Variants in FANCD2 observed in about 807,000 individuals in gnomAD.
FANCD2 encodes Fanconi anemia group D2 protein.
FANCD2 carries 131 observed loss-of-function variants against 192.3 expected under a neutral mutation model. That is an observed-to-expected ratio of 0.68 (90% CI 0.59 to 0.79). FANCD2 has a LOEUF of 0.79. Ranked by LOEUF, FANCD2 falls within the 30% of genes least tolerant of loss-of-function variation. FANCD2 has a pLI of 0.00. For synonymous variants in FANCD2, 524 were observed against 612.5 expected, an observed-to-expected ratio of 0.86 and a Z score of 2.13; for missense variants, 1,508 against 1,701.6, an observed-to-expected ratio of 0.89 and a Z score of 2.00.
At chr3:10,087,412 A>G in intron 34 of FANCD2, 148 bp downstream of exon 34, 1 of 753,950 alleles carries the variant, frequency 1.3e-6, no homozygotes, top group South Asian at 1.8e-5. Context: ...CAAGAAGGTC[A>G]TTTTCCCAGA....
intron 6 of FANCD2, among the ~76,000 whole-genome samples, 182 bp from the exon 7 acceptor site, chr3:10,036,105 T>TTTTTTTTTTTTTTTTTTG (rs2086724568): frequency 6.8e-6 from 1 of 146,788 alleles, no homozygotes. Flanking sequence ...TTTTTTTTTT[T>TTTTTTTTTTTTTTTTTTG]GAGTCAGAGT....
At chr3:10,031,912 T>A (rs998757932) in intron 2 of FANCD2, among the ~76,000 whole-genome samples, 3 of 152,174 alleles carry the variant, frequency 2.0e-5, no homozygotes, top group Admixed American at 6.5e-5. Flanking sequence ...AGTGGCGCGA[T>A]CTGGGCTCAC....
chr3:10,088,578 C>CT lies in FANCD2; in HGVS notation c.3560+42dup, dbSNP rs777197502. The CT allele has an allele frequency of 2.3e-5, 33 of 1,409,814 alleles. No individual in the cohort carries two copies. In the African/African-American group the frequency reaches 4.1e-4, roughly 17 times the overall value. 87.3% of individuals were successfully genotyped at this position (1,409,814 alleles called of 1,614,324 possible). A position where few individuals can be genotyped will look rare whatever the true frequency, so the allele number is the denominator to read the frequency against. On this transcript the variant is annotated intron_variant, in intron 35 of 43. Coordinates refer to ENST00000675286, the MANE Select transcript of FANCD2 (RefSeq NM_001018115.3). ...TGGTTTCTTCCAATGAGCCAAATAGCTTTTTTCTATTTTGCTACTGTTGTT... is the reference window on the plus strand; with the variant it reads ...TGGTTTCTTCCAATGAGCCAAATAGCTTTTTTTCTATTTTGCTACTGTTGTT...
intron 30 of FANCD2, among the ~76,000 whole-genome samples, chr3:10,079,364 G>T (rs1474001962): frequency 6.6e-6 from 1 of 152,180 alleles, no homozygotes; most frequent in African/African-American, 2.4e-5. Flanking sequence ...GAGTGCAGTG[G>T]TGCAATCTCG....
intron 26 of FANCD2, among the ~76,000 whole-genome samples, chr3:10,068,960 A>T (rs1399794214): frequency 2.0e-5 from 3 of 152,148 alleles, no homozygotes; most frequent in Non-Finnish European, 4.4e-5. Flanking sequence ...ATGAAACTAG[A>T]CCCCTATCTC....
rs149564544 is a variant in FANCD2, at chr3:10,064,730, G to T, written c.2023G>T (p.Asp675Tyr). 1.2e-6 allele frequency: 2 copies of T among 1,614,022 alleles called. No homozygotes were observed. The highest frequency in any genetic ancestry group is 2.7e-5 in the African/African-American group (2 of 74,940). Residue 675 changes from aspartate (D) to tyrosine (Y), a missense_variant and splice_region_variant, in exon 23 of 44, where the codon GAC becomes TAC. Physicochemically the swap from Asp to Tyr is radical, Grantham distance 160. Around this residue, in one of 5 missense-constraint regions of FANCD2, gnomAD observed 59 missense variants for 111.9 expected, o/e 0.53. Transcript: ENST00000675286. ...TCAGATTCTGGTTTTTCTCCGCAGTGACTTTCCATTTCCTGTGAAAGCACT... is the reference window on the plus strand; with the variant it reads ...TCAGATTCTGGTTTTTCTCCGCAGTTACTTTCCATTTCCTGTGAAAGCACT... ...VVDSCVVPEG[D>Y]FPFPVKALYG... is the part of the protein sequence containing the mutation.
intron 30 of FANCD2, among the ~76,000 whole-genome samples, chr3:10,079,249 T>TA (rs535631815): frequency 0.012 from 1,576 of 136,698 alleles, 20 homozygotes; most frequent in African/African-American, 0.033. Flanking sequence ...GTCTCAGAAA[T>TA]AAAAAAAAAA....
intron 22 of FANCD2, 80 bp downstream of exon 22, chr3:10,064,509 A>G (rs1467861666): frequency 2.2e-5 from 31 of 1,393,118 alleles, no homozygotes; most frequent in African/African-American, 5.6e-5. Context: ...AAACTTCAGA[A>G]TACCCTTCAC....
At chr3:10,047,884 C>T in intron 15 of FANCD2, 33 bp from the exon 16 acceptor site, 2 of 1,611,664 alleles carry the variant, frequency 1.2e-6, no homozygotes, top group Non-Finnish European at 1.7e-6. Context: ...TTTCCTACAG[C>T]TTCTTTTCTC....
chr3:10,054,426 C>T (rs543982528), intron 18 of FANCD2, among the ~76,000 whole-genome samples: 28 of 51,968 alleles, frequency 5.4e-4, no homozygotes, highest in East Asian at 1.9e-3. Context: ...TACATATATA[C>T]ATGTATATAC....
chr3:10,060,551 T>C (rs1298330139), intron 19 of FANCD2, 148 bp downstream of exon 19: 6 of 702,106 alleles, frequency 8.5e-6, no homozygotes, highest in South Asian at 1.5e-5. Flanking sequence ...TCCCTTCTAA[T>C]CGTGACTGTA....
chr3:10,030,066 C>G, intron 2 of FANCD2, among the ~76,000 whole-genome samples: 1 of 149,720 alleles, frequency 6.7e-6, no homozygotes, highest in African/African-American at 2.5e-5. Flanking sequence ...GGATTACAGG[C>G]TTGAGCCACC....
chr3:10,050,639 A>AG (rs2087173481), intron 17 of FANCD2, among the ~76,000 whole-genome samples: 1 of 151,674 alleles, frequency 6.6e-6, no homozygotes, highest in South Asian at 2.1e-4. Context: ...AAAAAAAAAA[A>AG]AAAAGGCTTA....
Position 10,066,108 on chromosome 3 carries a change from T to G in FANCD2, c.2385+129T>G, listed in dbSNP as rs1575795682. The stretch of plus-strand genomic sequence containing the variant: ...CCCCCGTGTGCTTCTCTAGCTGTTA[T>G]GTCCCACCACTCCCCAGTTATATGA... On this transcript the variant is annotated intron_variant, in intron 25 of 43. Coordinates refer to ENST00000675286, the MANE Select transcript of FANCD2 (RefSeq NM_001018115.3). 6 of 683,552 alleles carry G rather than the reference T, an allele frequency of 8.8e-6. No homozygotes were observed. In the East Asian group the frequency reaches 1.7e-4, roughly 19 times the overall value. 42.3% of individuals were successfully genotyped at this position (683,552 alleles called of 1,614,324 possible). A position where few individuals can be genotyped will look rare whatever the true frequency, so the allele number is the denominator to read the frequency against.
At chr3:10,095,904 C>T (rs981410683) in intron 41 of FANCD2, among the ~76,000 whole-genome samples, 4 of 123,708 alleles carry the variant, frequency 3.2e-5, no homozygotes, top group African/African-American at 1.0e-4. Flanking sequence ...TTTTTTGAGA[C>T]GGAGTCTCGC....
chr3:10,043,955 C>A, intron 14 of FANCD2, 91 bp downstream of exon 14: 2 of 1,080,808 alleles, frequency 1.9e-6, no homozygotes, highest in Non-Finnish European at 2.8e-6. Flanking sequence ...TCTTTCTCCC[C>A]CCTCCAGTCA....
intron 37 of FANCD2, 62 bp from the exon 38 acceptor site, chr3:10,092,119 G>A: frequency 1.8e-6 from 2 of 1,093,970 alleles, no homozygotes; most frequent in Middle Eastern, 2.0e-4. Flanking sequence ...ATCTTAGTGG[G>A]AATACAGTAA....
At chr3:10,098,948 T>A (rs1418671841) in intron 43 of FANCD2, 133 bp downstream of exon 43, 1 of 1,614,182 alleles carries the variant, frequency 6.2e-7, no homozygotes, top group African/African-American at 1.3e-5. Context: ...ATTCCCTCCA[T>A]AACAGCTTCT....
At chr3:10,073,080 T>G in intron 27 of FANCD2, 99 bp downstream of exon 27, 3 of 858,914 alleles carry the variant, frequency 3.5e-6, no homozygotes, top group Non-Finnish European at 5.8e-6. Flanking sequence ...TTGGAACAAT[T>G]GTATAACTGA....
Sources: allele counts gnomAD v4.1 joint callset (sites outside exome capture counted in the v4.1 genomes callset), GRCh38; gene constraint gnomAD v4.1.1; regional missense constraint gnomAD v4.1.1; transcripts MANE v1.5; gene names NCBI Gene and HGNC (gene_info 2026-07-23, HGNC 2026-07-21).